Variants in SORCS1 observed in about 807,000 individuals in gnomAD.
The protein encoded by SORCS1 is sortilin related VPS10 domain containing receptor 1, also known as VPS10 domain-containing receptor SorCS1.
In SORCS1, 60 loss-of-function variants were observed where a neutral mutation model predicts 146.1. That is an observed-to-expected ratio of 0.41 (90% CI 0.33 to 0.51). SORCS1 has a LOEUF of 0.51. SORCS1 is among the 20% of genes least tolerant of loss of function. SORCS1 has a pLI of 0.21. For synonymous variants in SORCS1, 637 were observed against 584.0 expected (o/e 1.09, Z -1.31); for missense variants, 1,352 against 1,487.6 (o/e 0.91, Z 1.50).
At chr10:107,130,857 TG>T (rs1209384065) in intron 1 of SORCS1, among the ~76,000 whole-genome samples, 1 of 152,144 alleles carries the variant, frequency 6.6e-6, no homozygotes, top group African/African-American at 2.4e-5. Flanking sequence ...ACCTTCAAAA[TG>T]TTGTGTAACC....
chr10:106,872,752 CA>C (rs1950457648), intron 2 of SORCS1, among the ~76,000 whole-genome samples: 2 of 151,940 alleles, frequency 1.3e-5, no homozygotes, highest in African/African-American at 4.8e-5. Context: ...TACCAAAAGA[CA>C]AAATTAGATA....
At chr10:107,143,416 C>G (rs1339683602) in intron 1 of SORCS1, among the ~76,000 whole-genome samples, 1 of 152,168 alleles carries the variant, frequency 6.6e-6, no homozygotes, top group Middle Eastern at 3.2e-3. Context: ...CAACTTACAC[C>G]TCCAGGGCTC....
At chr10:107,099,954 C>A (rs1325261242) in intron 1 of SORCS1, among the ~76,000 whole-genome samples, 1 of 152,150 alleles carries the variant, frequency 6.6e-6, no homozygotes, top group African/African-American at 2.4e-5. Flanking sequence ...TTTGCTATTA[C>A]CTCTAATTTT....
intron 1 of SORCS1, among the ~76,000 whole-genome samples, chr10:107,120,060 C>A (rs1966297907): frequency 6.6e-6 from 1 of 152,052 alleles, no homozygotes; most frequent in Non-Finnish European, 1.5e-5. Flanking sequence ...GACTACCAGG[C>A]TTTCCATCAT....
At chr10:107,125,354 A>G (rs1226844009) in intron 1 of SORCS1, among the ~76,000 whole-genome samples, 2 of 152,218 alleles carry the variant, frequency 1.3e-5, no homozygotes, top group Non-Finnish European at 2.9e-5. Flanking sequence ...TTATAATGAT[A>G]TTTGACTACT....
chr10:106,590,625 T>G lies in SORCS1; in HGVS notation c.3265+6726A>C, dbSNP rs932037522. 3.3e-5 allele frequency among the ~76,000 whole-genome samples: 5 copies of G among 152,214 alleles called. No individual in the cohort carries two copies. The South Asian group carries it at 8.3e-4, about 25-fold the overall frequency. ...CCTTCCAGATTCTTGCTAGAAAAAC[T>G]CTCCCTAAAATGACATCATAGCTGT... On this transcript the variant is annotated intron_variant, in intron 24 of 25. Transcript: ENST00000263054.
At chr10:106,780,988 T>A (rs957097695) in intron 3 of SORCS1, among the ~76,000 whole-genome samples, 9 of 150,686 alleles carry the variant, frequency 6.0e-5, no homozygotes, top group Non-Finnish European at 1.2e-4. Flanking sequence ...TTTTTTTTTT[T>A]TTTGGTATTA....
intron 1 of SORCS1, among the ~76,000 whole-genome samples, chr10:107,003,470 GTGTA>G (rs1251625294): frequency 3.6e-5 from 5 of 137,154 alleles, no homozygotes; most frequent in South Asian, 4.4e-4. Flanking sequence ...GTGTGTGTGT[GTGTA>G]GTAATCCACA....
At chr10:107,048,648 C>G (rs1959754532) in intron 1 of SORCS1, among the ~76,000 whole-genome samples, 1 of 152,168 alleles carries the variant, frequency 6.6e-6, no homozygotes, top group African/African-American at 2.4e-5. Context: ...TCATGACCTT[C>G]AGAGTTGAGC....
chr10:106,663,823 G>A (rs1198942908), intron 17 of SORCS1, among the ~76,000 whole-genome samples: 4 of 152,144 alleles, frequency 2.6e-5, no homozygotes, highest in Non-Finnish European at 4.4e-5. Flanking sequence ...GTGTAGCTTA[G>A]ACAACATGCT....
chr10:107,048,169 T>G (rs535810507), intron 1 of SORCS1, among the ~76,000 whole-genome samples: 1 of 152,326 alleles, frequency 6.6e-6, no homozygotes, highest in East Asian at 1.9e-4. Context: ...TTTTGTACCT[T>G]TCTTATTGCC....
chr10:107,172,913 C>T, the SORCS1 span, among the ~76,000 whole-genome samples: 2 of 152,122 alleles, frequency 1.3e-5, no homozygotes, highest in Admixed American at 1.3e-4. Context: ...GTAACATTGA[C>T]AATGTTTGTT....
At chr10:106,890,466 A>G (rs1397873487) in intron 2 of SORCS1, among the ~76,000 whole-genome samples, 1 of 151,418 alleles carries the variant, frequency 6.6e-6, no homozygotes, top group Non-Finnish European at 1.5e-5. Flanking sequence ...TAAAAAGGAG[A>G]AAAAAAAACA....
intron 1 of SORCS1, among the ~76,000 whole-genome samples, chr10:107,105,181 G>T (rs1965221687): frequency 6.6e-6 from 1 of 152,094 alleles, no homozygotes; most frequent in Non-Finnish European, 1.5e-5. Flanking sequence ...ATGAGTTCTG[G>T]GGGCGAACAC....
chr10:107,028,546 T>C (rs1958507002), intron 1 of SORCS1, among the ~76,000 whole-genome samples: 1 of 152,354 alleles, frequency 6.6e-6, no homozygotes, highest in East Asian at 1.9e-4. Flanking sequence ...TGGGACTTCA[T>C]AGGTGCTCAT....
chr10:107,103,107 G>A (rs1056549958), intron 1 of SORCS1, among the ~76,000 whole-genome samples: 2 of 152,112 alleles, frequency 1.3e-5, no homozygotes, highest in African/African-American at 4.8e-5. Flanking sequence ...CACAAAGCAT[G>A]GTGTAATTTT....
At chr10:107,075,698 A>T (rs1303659811) in intron 1 of SORCS1, among the ~76,000 whole-genome samples, 4 of 152,076 alleles carry the variant, frequency 2.6e-5, no homozygotes, top group Non-Finnish European at 4.4e-5. Context: ...AATTTTTAAA[A>T]ATATATATAT....
At chr10:106,783,013 C>A (rs1328679402) in intron 3 of SORCS1, among the ~76,000 whole-genome samples, 1 of 152,176 alleles carries the variant, frequency 6.6e-6, no homozygotes, top group Non-Finnish European at 1.5e-5. Context: ...AGGTAAGCTA[C>A]AATCACAAGA....
intron 3 of SORCS1, among the ~76,000 whole-genome samples, chr10:106,794,044 T>C (rs756321334): frequency 1.3e-5 from 2 of 152,196 alleles, no homozygotes; most frequent in African/African-American, 2.4e-5. Flanking sequence ...GCAAGTAGCA[T>C]AGTGAAATGC....
Sources: gnomAD v4.1 joint callset for allele counts (sites outside exome capture counted in the v4.1 genomes callset) on GRCh38, gnomAD v4.1.1 for gene constraint, MANE v1.5 for transcripts, NCBI Gene and HGNC (gene_info 2026-07-23, HGNC 2026-07-21) for gene names.